SYTL3: variants seen among roughly 807,000 people sequenced by gnomAD.
SYTL3 encodes synaptotagmin-like protein 3.
SYTL3 carries 88 observed loss-of-function variants against 82.1 expected under a neutral mutation model. The observed-to-expected ratio is 1.07, with a 90% CI of 0.90 to 1.28. The LOEUF is 1.28. SYTL3 is among the 50% of genes most tolerant of loss of function. The pLI, the probability that SYTL3 is intolerant of heterozygous loss-of-function variation, is 0.00. For synonymous variants in SYTL3, 311 were observed against 289.4 expected (o/e 1.07, Z -0.76); for missense variants, 831 against 757.6 (o/e 1.10, Z -1.14).
chr6:158,703,835 A>ATTATTATTATTATTATTAT (rs1781621644), intron 6 of SYTL3, among the ~76,000 whole-genome samples: 1 of 148,140 alleles, frequency 6.8e-6, no homozygotes, highest in South Asian at 2.1e-4. Flanking sequence ...TATTATTATT[A>ATTATTATTATTATTATTAT]TTATTATTAT....
chr6:158,728,931 TCAGGAGGCTGAGG>T (rs1247894080), intron 11 of SYTL3, among the ~76,000 whole-genome samples: 4 of 152,108 alleles, frequency 2.6e-5, no homozygotes, highest in South Asian at 2.1e-4. Flanking sequence ...TCCCAGCTAC[TCAGGAGGCTGAGG>T]CAGGAGGCTG....
intron 10 of SYTL3, among the ~76,000 whole-genome samples, chr6:158,723,089 C>CTTTT (rs745395918): frequency 1.9e-4 from 17 of 89,880 alleles, no homozygotes; most frequent in African/African-American, 3.9e-4. Flanking sequence ...AACAGCTACT[C>CTTTT]TTTTTTTTTT....
At position 158,685,216 on chromosome 6, in the gene SYTL3, CT is replaced by C. The variant is rs545473762; in HGVS notation, c.394+2243del. ...TGCTTTTATGTCTCTCTCTCTCTCT[CT>C]TTTTTTTTTTTTTTTAGATGGAGTC... On this transcript the variant is annotated intron_variant, in intron 6 of 17. Transcript: ENST00000611299. Among the ~76,000 whole-genome samples the C allele has an allele frequency of 5.2e-3, 699 of 135,596 alleles. 1 individual carries two copies. The highest frequency in any genetic ancestry group is 7.1e-3 in the South Asian group (30 of 4,206). The allele number at this position is 135,596 out of a possible 152,430, so 89.0% of individuals were successfully genotyped here.
chr6:158,659,344 C>T (rs1472584856), intron 2 of SYTL3, among the ~76,000 whole-genome samples: 4 of 152,166 alleles, frequency 2.6e-5, no homozygotes, highest in Non-Finnish European at 4.4e-5. Context: ...GGGAGTTGAT[C>T]GTCTTAGTCT....
At chr6:158,673,699 A>C (rs949748677) in intron 5 of SYTL3, among the ~76,000 whole-genome samples, 1 of 151,032 alleles carries the variant, frequency 6.6e-6, no homozygotes, top group Non-Finnish European at 1.5e-5. Context: ...CAGCCTCCCA[A>C]AGTGCTGGGA....
chr6:158,682,508 C>T lies in SYTL3; in HGVS notation c.330-417C>T, dbSNP rs570560818. Among the ~76,000 whole-genome samples, 168 of 150,814 alleles carry T rather than the reference C, an allele frequency of 1.1e-3. 2 individuals are homozygous for T. The South Asian group carries it at 0.015, about 13-fold the overall frequency. On this transcript the variant is annotated intron_variant, in intron 5 of 17. Transcript: ENST00000611299. ...CCGAGTAGCTGGGACTACAGGTGCC[C>T]GCCACCATGCCTGGCTAATTTTTTG...
At chr6:158,663,425 T>C (rs751238338) in intron 4 of SYTL3, 47 bp downstream of exon 4, 2 of 1,600,996 alleles carry the variant, frequency 1.2e-6, no homozygotes, top group South Asian at 2.2e-5. Context: ...TAGCTTTCTC[T>C]GCTTGGGGCC....
intron 6 of SYTL3, among the ~76,000 whole-genome samples, chr6:158,696,544 G>A (rs549571703): frequency 3.1e-4 from 47 of 152,086 alleles, no homozygotes; most frequent in Admixed American, 9.8e-4. Context: ...TTTCTTGATA[G>A]TAGCCACCCT....
chr6:158,758,483 A>G (rs952257134), intron 14 of SYTL3, among the ~76,000 whole-genome samples: 3 of 151,208 alleles, frequency 2.0e-5, no homozygotes, highest in Non-Finnish European at 4.4e-5. Context: ...CCCTCAGCCA[A>G]GGGCCCACGG....
intron 10 of SYTL3, among the ~76,000 whole-genome samples, chr6:158,718,517 A>G (rs1583353447): frequency 6.6e-6 from 1 of 152,200 alleles, no homozygotes; most frequent in African/African-American, 2.4e-5. Context: ...CCAAAGCCCA[A>G]GGGCTTCCTG....
In SYTL3 at chr6:158,743,598, C is replaced by CTTTTT. The variant is rs397887964; in HGVS notation, c.856-1859_856-1855dup. On this transcript the variant is annotated intron_variant, in intron 11 of 17. Transcript: ENST00000611299. ...ACTCATGCTGGTGCACCAGTCCAAG[C>CTTTTT]TTTTTTTTTTTTTTTTTTTTTTTTT... 2.4e-3 allele frequency among the ~76,000 whole-genome samples: 152 copies of CTTTTT among 63,080 alleles called. 27 individuals carry two copies. Among genetic ancestry groups the CTTTTT allele is most frequent in the Non-Finnish European group, 3.6e-3 (121 of 33,742 alleles). The allele number at this position is 63,080 out of a possible 152,430, so 41.4% of individuals were successfully genotyped here.
intron 17 of SYTL3, among the ~76,000 whole-genome samples, chr6:158,763,894 C>T (rs1218024957): frequency 2.0e-5 from 3 of 152,202 alleles, no homozygotes; most frequent in Non-Finnish European, 2.9e-5. Context: ...TGTCCAGAGC[C>T]GCTCGGCAGG....
At chr6:158,668,219 CAG>C (rs1263198528) in intron 5 of SYTL3, among the ~76,000 whole-genome samples, 1 of 92,492 alleles carries the variant, frequency 1.1e-5, no homozygotes, top group East Asian at 3.1e-4. Context: ...CCTGGGAGGG[CAG>C]AGTCTTTTAT....
chr6:158,696,985 A>T (rs1171605925), intron 6 of SYTL3, among the ~76,000 whole-genome samples: 1 of 152,004 alleles, frequency 6.6e-6, no homozygotes, highest in African/African-American at 2.4e-5. Context: ...AAAAGAAAAA[A>T]GTTGGCTTAT....
chr6:158,684,026 G>T (rs1779021089), intron 6 of SYTL3, among the ~76,000 whole-genome samples: 1 of 152,216 alleles, frequency 6.6e-6, no homozygotes, highest in African/African-American at 2.4e-5. Context: ...GAGAACAAAG[G>T]AGAGAAGGGT....
Position 158,702,235 on chromosome 6 carries a change from A to AC in SYTL3, c.395-4995_395-4994insC. Among the ~76,000 whole-genome samples the AC allele has an allele frequency of 7.3e-5, 11 of 150,670 alleles. No individual in the cohort carries two copies. In the Admixed American group the frequency reaches 7.3e-4, roughly 10 times the overall value. On this transcript the variant is annotated intron_variant, in intron 6 of 17. Coordinates refer to ENST00000611299, the MANE Select transcript of SYTL3 (RefSeq NM_001242394.2). The stretch of plus-strand genomic sequence containing the variant: ...CAGCTACTTGGGAGGCTGAGGCAGG[A>AC]GAATCACTTGAACCCGGGAGGCGGA...
At chr6:158,688,350 C>T (rs1161554639) in intron 6 of SYTL3, among the ~76,000 whole-genome samples, 2 of 152,036 alleles carry the variant, frequency 1.3e-5, no homozygotes, top group Non-Finnish European at 2.9e-5. Context: ...GCCAAATTAC[C>T]CTCTGGGAGT....
rs61526522 is a variant in SYTL3, at chr6:158,682,355, CTTTTT to C, written c.330-552_330-548del. Among the ~76,000 whole-genome samples the C allele has an allele frequency of 8.4e-5, 9 of 106,806 alleles. No homozygotes were observed. The South Asian group carries it at 2.9e-3, about 34-fold the overall frequency. 70.1% of individuals were successfully genotyped at this position (106,806 alleles called of 152,430 possible). ...TATATGTTAATATGCTTAACATTCACTTTTTTTTTTTTTTTTTTTTTTGAGACGGA... is the reference window on the plus strand; with the variant it reads ...TATATGTTAATATGCTTAACATTCACTTTTTTTTTTTTTTTTTGAGACGGA... On this transcript the variant is annotated intron_variant, in intron 5 of 17. Coordinates refer to ENST00000611299, the MANE Select transcript of SYTL3 (RefSeq NM_001242394.2).
chr6:158,654,819 G>A (rs542627679), intron 2 of SYTL3, among the ~76,000 whole-genome samples: 9 of 152,072 alleles, frequency 5.9e-5, no homozygotes, highest in African/African-American at 7.2e-5. Flanking sequence ...GCTGAGTGTC[G>A]GGGGGGCTTC....
Sources: gnomAD v4.1 joint callset for allele counts (sites outside exome capture counted in the v4.1 genomes callset) on GRCh38, gnomAD v4.1.1 for gene constraint, MANE v1.5 for transcripts, NCBI Gene and HGNC (gene_info 2026-07-23, HGNC 2026-07-21) for gene names.